The following AIFM1 variants were observed in gnomAD, a reference collection of about 807,000 sequenced individuals.
The protein encoded by AIFM1 is apoptosis inducing factor mitochondria associated 1.
In AIFM1, 3 loss-of-function variants were observed where a neutral mutation model predicts 51.7. The ratio of observed to expected loss-of-function variants is 0.06; its 90% CI spans 0.03 to 0.15. The LOEUF is 0.15. Among genes scored for constraint, AIFM1 ranks in the 10% least tolerant of loss-of-function variants. The pLI, the probability that AIFM1 is intolerant of heterozygous loss-of-function variation, is 1.00. For synonymous variants in AIFM1, 178 were observed against 179.4 expected, an observed-to-expected ratio of 0.99 and a Z score of 0.06; for missense variants, 330 against 476.8, an observed-to-expected ratio of 0.69 and a Z score of 2.87.
intron 2 of AIFM1, among the ~76,000 whole-genome samples, chrX:130,153,060 C>T (rs184466821): frequency 1.8e-5 from 2 of 109,203 alleles, no homozygotes; most frequent in South Asian, 4.0e-4. Context: ...AGGCTGGGCA[C>T]GGTGGCTCAC....
intron 13 of AIFM1, among the ~76,000 whole-genome samples, chrX:130,133,108 C>A (rs2030171318): frequency 8.9e-6 from 1 of 111,765 alleles, no homozygotes; most frequent in Non-Finnish European, 1.9e-5. Context: ...TAATGTTTTA[C>A]AAAAGGATCA....
In AIFM1 at chrX:130,130,304, C is replaced by T. The variant is rs2030012998; in HGVS notation, c.1574-138G>A. 7.1e-6 allele frequency: 5 copies of T among 703,181 alleles called. No homozygotes were observed. In the Admixed American group the frequency reaches 1.1e-4, roughly 16 times the overall value. The allele number at this position is 703,181 out of a possible 1,213,427, so 58.0% of individuals were successfully genotyped here. A position where few individuals can be genotyped will look rare whatever the true frequency, so the allele number is the denominator to read the frequency against. ...TTCTAGAGGATTTATTTCTCTATGC[C>T]CCCTCAGTAAACCCTGGCCTTCACC... On this transcript the variant is annotated intron_variant, in intron 14 of 15. Transcript: ENST00000287295.
intron 12 of AIFM1, among the ~76,000 whole-genome samples, chrX:130,134,472 C>G (rs929812952): frequency 2.7e-5 from 3 of 110,917 alleles, no homozygotes; most frequent in Non-Finnish European, 5.7e-5. Flanking sequence ...ATTCATTCGA[C>G]AAATATTTAT....
chrX:130,150,961 G>C (rs1263734799), intron 2 of AIFM1, among the ~76,000 whole-genome samples: 1 of 67,157 alleles, frequency 1.5e-5, no homozygotes, highest in Non-Finnish European at 2.6e-5. Flanking sequence ...CTGGGCGATA[G>C]AGTGAGACTC....
chrX:130,156,314 C>T (rs1227424711), intron 2 of AIFM1, 147 bp downstream of exon 2: 1 of 655,671 alleles, frequency 1.5e-6, no homozygotes, highest in African/African-American at 2.2e-5. Context: ...AGATATTAGG[C>T]AGCAGGCACT....
intron 12 of AIFM1, among the ~76,000 whole-genome samples, chrX:130,135,439 TA>T (rs1556260137): frequency 2.7e-5 from 2 of 72,939 alleles, no homozygotes; most frequent in Non-Finnish European, 4.8e-5. Flanking sequence ...TTTTTTTTTT[TA>T]AAAAAAAAAA....
At chrX:130,142,219 C>T (rs994263637) in intron 6 of AIFM1, among the ~76,000 whole-genome samples, 1 of 111,721 alleles carries the variant, frequency 9.0e-6, no homozygotes, top group South Asian at 3.7e-4. Context: ...GCGCTGGGAA[C>T]ATATGACATG....
At position 130,129,539 on chromosome X, in the gene AIFM1, C is replaced by T. The variant is rs758484833; in HGVS notation, c.*18G>A. On this transcript the variant is annotated 3_prime_UTR_variant, in exon 16 of 16. Transcript: ENST00000287295. The stretch of plus-strand genomic sequence containing the variant: ...CTCTCAGGGGCTGCAGTGGGTTTGC[C>T]AATTCCACTGTGGGGCTTCAGTCTT... 9.9e-6 allele frequency: 12 copies of T among 1,207,157 alleles called. No individual in the cohort carries two copies. The South Asian group carries it at 1.4e-4, about 14-fold the overall frequency.
chrX:130,132,890 G>A (rs2030157825), intron 13 of AIFM1, among the ~76,000 whole-genome samples: 1 of 110,371 alleles, frequency 9.1e-6, no homozygotes, highest in Admixed American at 9.6e-5. Context: ...GGGATTACAG[G>A]CATGCACCAC....
At chrX:130,146,449 A>ATGTG (rs1491571585) in intron 5 of AIFM1, among the ~76,000 whole-genome samples, 4 of 65,140 alleles carry the variant, frequency 6.1e-5, no homozygotes, top group African/African-American at 2.2e-4. Flanking sequence ...GTCTCTCAAA[A>ATGTG]TATGTGTGTG....
rs12010190 is a variant in AIFM1, at chrX:130,138,466, A to G, written c.967+127T>C. ...GGTGACAGAGCGAGACTCCATCTCA[A>G]AAAAAAATAAATAAATAAACCTTAA... is the stretch of plus-strand genomic sequence containing the variant. On this transcript the variant is annotated intron_variant, in intron 9 of 15. Transcript: ENST00000287295. 5,593 of 549,013 alleles carry G rather than the reference A, an allele frequency of 0.01. 156 individuals carry two copies. The highest frequency in any genetic ancestry group is 0.094 in the African/African-American group (3,999 of 42,512). The allele number at this position is 549,013 out of a possible 1,213,427, so 45.2% of individuals were successfully genotyped here.
intron 13 of AIFM1, among the ~76,000 whole-genome samples, chrX:130,132,812 T>A (rs1179678203): frequency 9.5e-6 from 1 of 105,175 alleles, no homozygotes. Flanking sequence ...AGTGGTGTGA[T>A]CTCGGCTCAC....
At chrX:130,145,417 C>T in intron 6 of AIFM1, 62 bp downstream of exon 6, 2 of 862,440 alleles carry the variant, frequency 2.3e-6, no homozygotes, top group Non-Finnish European at 3.5e-6. Flanking sequence ...AAACACACAT[C>T]ACCATACTGG....
At chrX:130,146,069 C>T (rs1294578749) in intron 5 of AIFM1, among the ~76,000 whole-genome samples, 1 of 111,913 alleles carries the variant, frequency 8.9e-6, no homozygotes, top group African/African-American at 3.2e-5. Flanking sequence ...TTCAATGGAA[C>T]AACTAATTAT....
intron 3 of AIFM1, among the ~76,000 whole-genome samples, chrX:130,148,640 C>T (rs2030839803): frequency 9.2e-6 from 1 of 109,265 alleles, no homozygotes; most frequent in Non-Finnish European, 1.9e-5. Flanking sequence ...TTGAGACCAG[C>T]CTGGCCAACA....
intron 13 of AIFM1, 58 bp from the exon 14 acceptor site, chrX:130,131,857 C>A (rs992929214): frequency 1.7e-6 from 2 of 1,167,857 alleles, no homozygotes; most frequent in African/African-American, 1.8e-5. Flanking sequence ...CACGGTAGCA[C>A]ATATTCTCCA....
At chrX:130,130,905 C>G (rs1298728184) in intron 14 of AIFM1, among the ~76,000 whole-genome samples, 1 of 112,210 alleles carries the variant, frequency 8.9e-6, no homozygotes, top group African/African-American at 3.2e-5. Flanking sequence ...AATCCACTTA[C>G]TAGGTTACTA....
At chrX:130,145,344 C>T in intron 6 of AIFM1, 135 bp downstream of exon 6, 2 of 535,765 alleles carry the variant, frequency 3.7e-6, no homozygotes, top group Admixed American at 5.2e-5. Flanking sequence ...CATTATTAAA[C>T]CTAAAGCAGC....
chrX:130,141,753 C>T (rs1338029654), intron 6 of AIFM1, among the ~76,000 whole-genome samples: 6 of 111,993 alleles, frequency 5.4e-5, no homozygotes, highest in Non-Finnish European at 1.1e-4. Flanking sequence ...TGGAACCTGG[C>T]TCATACTTTT....
Sources: allele counts gnomAD v4.1 joint callset (sites outside exome capture counted in the v4.1 genomes callset), GRCh38; gene constraint gnomAD v4.1.1; transcripts MANE v1.5; gene names NCBI Gene and HGNC (gene_info 2026-07-23, HGNC 2026-07-21).